Variants in POC1B observed in about 807,000 individuals in gnomAD.
The protein encoded by POC1B is POC1 centriolar protein B.
A neutral mutation model predicts 60.6 loss-of-function variants in POC1B; 44 were observed. The ratio of observed to expected loss-of-function variants is 0.73; its 90% CI spans 0.57 to 0.93. POC1B has a LOEUF of 0.93. Ranked by LOEUF, POC1B falls within the 40% of genes least tolerant of loss-of-function variation. POC1B has a pLI of 0.00. For missense variants in POC1B, 555 were observed against 572.3 expected (o/e 0.97, Z 0.31); for synonymous variants, 180 against 198.9 (o/e 0.90, Z 0.80).
chr12:89,458,924 T>G (rs890358751), intron 10 of POC1B, among the ~76,000 whole-genome samples: 6 of 152,224 alleles, frequency 3.9e-5, no homozygotes, highest in African/African-American at 1.4e-4. Flanking sequence ...TTGAAAATTT[T>G]GAAAACACTG....
Position 89,424,265 on chromosome 12 carries a change from G to A in POC1B, c.1332+896C>T, listed in dbSNP as rs150646901. 3.3e-3 allele frequency among the ~76,000 whole-genome samples: 505 copies of A among 152,296 alleles called. 3 individuals carry two copies. The highest frequency in any genetic ancestry group is 0.011 in the African/African-American group (478 of 41,566). ...ATATGTGGGTTCTTAAAAGACTGAT[G>A]CTAGGGGCTTATCCCAGACCAATGG... is the stretch of plus-strand genomic sequence containing the variant. On this transcript the variant is annotated intron_variant, in intron 11 of 11. Transcript: ENST00000313546.
rs771341403 is a variant in POC1B, at chr12:89,492,010, T to A, written c.378A>T (p.Ile126=). The change falls in exon 4 of 12, where the codon ATA becomes ATT. Residue 126 remains isoleucine (I), a synonymous_variant. Coordinates refer to ENST00000313546, the MANE Select transcript of POC1B (RefSeq NM_172240.3). The part of the protein sequence containing the change: ...FLATASEDKS[I]KVWSMYRQRF... ...GCTGGCGATACATGCTCCATACTTT[T>A]ATGGATTTGTCTTCAGAAGCTGTAG... The A allele has an allele frequency of 1.2e-6, 2 of 1,609,040 alleles. No individual in the cohort carries two copies. The highest frequency in any genetic ancestry group is 2.2e-5 in the South Asian group (2 of 89,940).
intron 2 of POC1B, 34 bp from the exon 3 acceptor site, chr12:89,497,376 G>T: frequency 6.3e-7 from 1 of 1,581,418 alleles, no homozygotes; most frequent in Non-Finnish European, 8.7e-7. Context: ...ACCACTGTTT[G>T]TTAAAATGCA....
chr12:89,458,912 C>T (rs955601366), intron 10 of POC1B, among the ~76,000 whole-genome samples: 14 of 152,106 alleles, frequency 9.2e-5, no homozygotes, highest in Admixed American at 2.6e-4. Flanking sequence ...AATTCTTAAT[C>T]TTTGAAAATT....
chr12:89,434,099 T>C (rs2120690797), intron 10 of POC1B, among the ~76,000 whole-genome samples: 1 of 152,336 alleles, frequency 6.6e-6, no homozygotes, highest in Non-Finnish European at 1.5e-5. Flanking sequence ...ATGACTAGGA[T>C]ATAATCAAAA....
At chr12:89,519,007 G>A (rs531027741) in intron 2 of POC1B, among the ~76,000 whole-genome samples, 1 of 152,300 alleles carries the variant, frequency 6.6e-6, no homozygotes, top group South Asian at 2.1e-4. Context: ...AAGAGGAAGA[G>A]ACAGGCCACT....
chr12:89,491,639 GA>G lies in POC1B; in HGVS notation c.452+296del, dbSNP rs60826949. On this transcript the variant is annotated intron_variant, in intron 4 of 11. Transcript: ENST00000313546. ...GACCGTGTCTCAAAAAAAAAAAAAAGAAAAAAAAAAAAGAAAAAAAAATTAC... is the reference window on the plus strand; with the variant it reads ...GACCGTGTCTCAAAAAAAAAAAAAAGAAAAAAAAAAAGAAAAAAAAATTAC... Among the ~76,000 whole-genome samples, 771 of 115,730 alleles carry G rather than the reference GA, an allele frequency of 6.7e-3. 5 individuals are homozygous for G. The highest frequency in any genetic ancestry group is 0.019 in the African/African-American group (584 of 31,344). 75.9% of individuals were successfully genotyped at this position (115,730 alleles called of 152,430 possible).
At chr12:89,421,391 GC>G in intron 11 of POC1B, 134 bp from the exon 12 acceptor site, 1 of 650,610 alleles carries the variant, frequency 1.5e-6, no homozygotes, top group Non-Finnish European at 2.5e-6. Context: ...TCAAAAATGA[GC>G]CCCAGAACTT....
At chr12:89,467,408 A>G (rs1178545788) in intron 8 of POC1B, among the ~76,000 whole-genome samples, 1 of 152,214 alleles carries the variant, frequency 6.6e-6, no homozygotes, top group Non-Finnish European at 1.5e-5. Flanking sequence ...GTGTAAAATG[A>G]GCAAAAGAAA....
chr12:89,497,923 AC>A (rs926641866), intron 2 of POC1B, among the ~76,000 whole-genome samples: 1 of 152,118 alleles, frequency 6.6e-6, no homozygotes, highest in African/African-American at 2.4e-5. Context: ...ACACACGTAA[AC>A]CCACACACAC....
chr12:89,403,910 A>T, the POC1B span, among the ~76,000 whole-genome samples: 1 of 152,080 alleles, frequency 6.6e-6, no homozygotes, highest in Non-Finnish European at 1.5e-5. Context: ...AGGCGGGAGG[A>T]TCACCTGAGG....
At position 89,475,917 on chromosome 12, in the gene POC1B, T is replaced by A. The variant is rs377279462; in HGVS notation, c.453-3642A>T. ...CAAAAGAATGAGGGAATTCTTTTTT[T>A]TTTTTTTTTTTTTTTTTGAGACAGG... On this transcript the variant is annotated intron_variant, in intron 4 of 11. Coordinates refer to ENST00000313546, the MANE Select transcript of POC1B (RefSeq NM_172240.3). Among the ~76,000 whole-genome samples, 89 of 145,750 alleles carry A rather than the reference T, an allele frequency of 6.1e-4. No homozygotes were observed. In the South Asian group the frequency reaches 8.8e-3, roughly 14 times the overall value.
At chr12:89,497,517 C>T (rs565201633) in intron 2 of POC1B, among the ~76,000 whole-genome samples, 175 bp from the exon 3 acceptor site, 52 of 152,274 alleles carry the variant, frequency 3.4e-4, no homozygotes, top group Admixed American at 1.2e-3. Context: ...AAAACTACAT[C>T]ACTAATATGC....
intron 10 of POC1B, among the ~76,000 whole-genome samples, chr12:89,441,205 A>G (rs1881499910): frequency 6.6e-6 from 1 of 152,256 alleles, no homozygotes; most frequent in Non-Finnish European, 1.5e-5. Flanking sequence ...ATAGCTGAAC[A>G]AAAGGCAGCA....
Position 89,467,640 on chromosome 12 carries a change from C to T in POC1B, c.856G>A (p.Ala286Thr). Reference sequence around the variant, plus strand: ...ACCTGTGTGTCTGCACCTCCTGATGCAAATAGCTCTCCACCTTTTGAAAAT... The same window carrying T: ...ACCTGTGTGTCTGCACCTCCTGATGTAAATAGCTCTCCACCTTTTGAAAAT... ...VSFSKGGELF[A>T]SGGADTQVLL... Residue 286 changes from alanine to threonine, a missense_variant, in exon 8 of 12, where the codon GCA becomes ACA. Coordinates refer to ENST00000313546, the MANE Select transcript of POC1B (RefSeq NM_172240.3). The T allele has an allele frequency of 6.2e-7, 1 of 1,611,974 alleles. No homozygotes were observed. Among genetic ancestry groups the T allele is most frequent in the Non-Finnish European group, 8.5e-7 (1 of 1,178,588 alleles).
intron 2 of POC1B, chr12:89,520,124 A>G (rs1328039790): frequency 1.3e-5 from 2 of 152,140 alleles, no homozygotes. Flanking sequence ...CTCTATTATG[A>G]GGAATGAACA....
chr12:89,513,604 T>C (rs967081699), intron 2 of POC1B, among the ~76,000 whole-genome samples: 2 of 152,366 alleles, frequency 1.3e-5, no homozygotes, highest in Admixed American at 6.5e-5. Context: ...AAGGGATGAC[T>C]GGCCTAATGG....
chr12:89,464,647 C>G (rs910164882), intron 9 of POC1B, among the ~76,000 whole-genome samples: 5 of 151,430 alleles, frequency 3.3e-5, no homozygotes, highest in Admixed American at 2.6e-4. Flanking sequence ...GCCACCACAC[C>G]CAGCAAATTT....
intron 10 of POC1B, among the ~76,000 whole-genome samples, chr12:89,437,951 G>A (rs1474859996): frequency 6.6e-6 from 1 of 151,718 alleles, no homozygotes; most frequent in Non-Finnish European, 1.5e-5. Flanking sequence ...AGAGGCTGAG[G>A]CAGGAGAATT....
Sources: gnomAD v4.1 joint callset for allele counts (sites outside exome capture counted in the v4.1 genomes callset) on GRCh38, gnomAD v4.1.1 for gene constraint, MANE v1.5 for transcripts, NCBI Gene and HGNC (gene_info 2026-07-23, HGNC 2026-07-21) for gene names.